The following MAML2 variants were observed in gnomAD, a reference collection of about 807,000 sequenced individuals.
MAML2 encodes the protein mastermind-like protein 2.
A neutral mutation model predicts 96.1 loss-of-function variants in MAML2; 22 were observed. That is an observed-to-expected ratio of 0.23 (90% CI 0.16 to 0.33). MAML2 has a LOEUF of 0.33. Among genes scored for constraint, MAML2 ranks in the 10% least tolerant of loss-of-function variants. MAML2 has a pLI of 1.00. For synonymous variants in MAML2, 561 were observed against 521.3 expected (o/e 1.08, Z -1.04); for missense variants, 1,367 against 1,392.4 (o/e 0.98, Z 0.29).
intron 2 of MAML2, among the ~76,000 whole-genome samples, chr11:95,997,388 G>A (rs1323306042): frequency 6.6e-6 from 1 of 152,092 alleles, no homozygotes; most frequent in Non-Finnish European, 1.5e-5. Flanking sequence ...CTTAAGTATG[G>A]ATAAAACTTC....
chr11:96,010,669 G>A (rs554838421), intron 2 of MAML2, among the ~76,000 whole-genome samples: 1 of 152,268 alleles, frequency 6.6e-6, no homozygotes, highest in Non-Finnish European at 1.5e-5. Flanking sequence ...ATATACAGAT[G>A]TAAAACACAA....
At position 96,218,082 on chromosome 11, in the gene MAML2, T is replaced by C. The variant is rs114687826; in HGVS notation, c.513+123301A>G. Among the ~76,000 whole-genome samples the C allele has an allele frequency of 3.5e-3, 540 of 152,372 alleles. 2 individuals carry two copies. Among genetic ancestry groups the C allele is most frequent in the African/African-American group, 0.012 (508 of 41,594 alleles). On this transcript the variant is annotated intron_variant, in intron 1 of 4. Transcript: ENST00000524717. ...AAATGATTCCAGGCAAGCTTGATAT[T>C]ACATAGGTAAATACATTTGCTTTCT...
At chr11:96,231,187 G>A (rs1721662063) in intron 1 of MAML2, among the ~76,000 whole-genome samples, 1 of 152,032 alleles carries the variant, frequency 6.6e-6, no homozygotes, top group Non-Finnish European at 1.5e-5. Flanking sequence ...ATTCCCACAG[G>A]TAAAATTATT....
chr11:96,085,166 G>A (rs201615301), intron 2 of MAML2, among the ~76,000 whole-genome samples: 1 of 98,842 alleles, frequency 1.0e-5, no homozygotes, highest in East Asian at 2.3e-4. Context: ...TAGGCTATGC[G>A]TATGTGTGTG....
intron 1 of MAML2, among the ~76,000 whole-genome samples, chr11:96,297,110 G>A (rs1368294840): frequency 1.3e-5 from 2 of 152,140 alleles, no homozygotes; most frequent in Non-Finnish European, 2.9e-5. Flanking sequence ...ACTTCAGCTT[G>A]GGAAAGGCTG....
chr11:96,193,113 A>T (rs1474184210), intron 1 of MAML2, among the ~76,000 whole-genome samples: 3 of 152,202 alleles, frequency 2.0e-5, no homozygotes, highest in African/African-American at 7.2e-5. Flanking sequence ...TCAGGCCTAT[A>T]ATCCCAGCAC....
intron 2 of MAML2, among the ~76,000 whole-genome samples, chr11:96,011,407 G>A (rs1350091854): frequency 2.0e-5 from 3 of 152,094 alleles, no homozygotes; most frequent in African/African-American, 4.8e-5. Flanking sequence ...ATTAAATCAC[G>A]TCCTTTTGTA....
rs74379028 is a variant in MAML2, at chr11:95,998,686, C to T, written c.2140-6963G>A. On this transcript the variant is annotated intron_variant, in intron 2 of 4. Coordinates refer to ENST00000524717, the MANE Select transcript of MAML2 (RefSeq NM_032427.4). ...TGTGCTACTGATGGATCATTTATTT[C>T]CTAGAATGGTCTCAAGGATGTTAGG... 8.6e-3 allele frequency among the ~76,000 whole-genome samples: 1,305 copies of T among 152,174 alleles called. 17 individuals are homozygous for T. Among genetic ancestry groups the T allele is most frequent in the East Asian group, 0.049 (253 of 5,180 alleles).
intron 1 of MAML2, among the ~76,000 whole-genome samples, chr11:96,230,991 T>G (rs549528703): frequency 2.0e-5 from 3 of 152,366 alleles, no homozygotes; most frequent in African/African-American, 7.2e-5. Context: ...GTGAAAGATA[T>G]GTCTTGTGAC....
At chr11:96,165,385 G>C in intron 1 of MAML2, among the ~76,000 whole-genome samples, 1 of 152,052 alleles carries the variant, frequency 6.6e-6, no homozygotes. Context: ...GTGTTGGTCT[G>C]GCAAACACAC....
Position 95,979,696 on chromosome 11 carries a change from A to G in MAML2, c.2723T>C (p.Met908Thr), listed in dbSNP as rs1249444204. The G allele has an allele frequency of 6.2e-7, 1 of 1,613,980 alleles. No homozygotes were observed. The highest frequency in any genetic ancestry group is 8.5e-7 in the Non-Finnish European group (1 of 1,179,878). ...QLLANQNNPM[M>T]PRPPTLGPSN... The stretch of plus-strand genomic sequence containing the variant: ...TGGCCCTAAGGTAGGTGGCCGTGGC[A>G]TCATAGGGTTGTTTTGATTTGCTAA... The change falls in exon 5 of 5, where the codon ATG (methionine) becomes ACG (threonine). Residue 908 changes from methionine (M) to threonine (T), a missense_variant. Met to Thr is a moderately conservative substitution (Grantham distance 81). Transcript: ENST00000524717.
intron 1 of MAML2, among the ~76,000 whole-genome samples, chr11:96,113,341 G>A (rs1860165907): frequency 6.6e-6 from 1 of 152,132 alleles, no homozygotes. Flanking sequence ...CTTTGAGTCT[G>A]TATTTTCAAA....
intron 1 of MAML2, among the ~76,000 whole-genome samples, chr11:96,340,296 C>T (rs574741523): frequency 2.0e-5 from 3 of 152,330 alleles, no homozygotes; most frequent in Admixed American, 6.5e-5. Flanking sequence ...CATTTCCTGT[C>T]GCTTTTGCTA....
At position 96,342,828 on chromosome 11, in the gene MAML2, C is replaced by A; in HGVS notation, c.-933G>T. Reference sequence around the variant, plus strand: ...CTTTCCCGCTTACGTTTCTATTCCTCACCCCCGGCTCTATTCTAATACAGT... The same window carrying A: ...CTTTCCCGCTTACGTTTCTATTCCTAACCCCCGGCTCTATTCTAATACAGT... On this transcript the variant is annotated 5_prime_UTR_variant, in exon 1 of 5. Transcript: ENST00000524717. 6.2e-6 allele frequency: 2 copies of A among 323,278 alleles called. No homozygotes were observed. Among genetic ancestry groups the A allele is most frequent in the East Asian group, 4.5e-5 (1 of 22,024 alleles). 20.0% of individuals were successfully genotyped at this position (323,278 alleles called of 1,614,324 possible).
intron 1 of MAML2, among the ~76,000 whole-genome samples, chr11:96,231,638 T>C (rs12362505): frequency 0.48 from 72,837 of 151,984 alleles, 17,899 homozygotes; most frequent in Middle Eastern, 0.63. Flanking sequence ...TAAGACCTTA[T>C]GAAAAACAAA....
chr11:96,104,733 G>A (rs1260108734), intron 1 of MAML2, among the ~76,000 whole-genome samples: 1 of 151,796 alleles, frequency 6.6e-6, no homozygotes, highest in African/African-American at 2.4e-5. Context: ...GGGAAAGCAA[G>A]TCTAAAGAGA....
chr11:96,237,979 G>C (rs1394113724), intron 1 of MAML2, among the ~76,000 whole-genome samples: 2 of 152,212 alleles, frequency 1.3e-5, no homozygotes, highest in African/African-American at 4.8e-5. Flanking sequence ...ATTCTGCTTT[G>C]TTCTGCCTGT....
intron 1 of MAML2, among the ~76,000 whole-genome samples, chr11:96,128,213 G>A (rs1196231613): frequency 6.6e-6 from 1 of 152,120 alleles, no homozygotes; most frequent in African/African-American, 2.4e-5. Flanking sequence ...GACGAATATG[G>A]TGAGACCCCA....
chr11:96,069,400 G>A (rs116725272), intron 2 of MAML2, among the ~76,000 whole-genome samples: 2,386 of 152,188 alleles, frequency 0.016, 66 homozygotes, highest in African/African-American at 0.055. Flanking sequence ...TTGGCTGGGC[G>A]AGGTGGCTCA....
Sources: gnomAD v4.1 joint callset for allele counts (sites outside exome capture counted in the v4.1 genomes callset) on GRCh38, gnomAD v4.1.1 for gene constraint, MANE v1.5 for transcripts, NCBI Gene and HGNC (gene_info 2026-07-23, HGNC 2026-07-21) for gene names.